Variants in FRMPD4 observed in about 807,000 individuals in gnomAD.
FRMPD4 encodes FERM and PDZ domain containing 4.
Under a neutral mutation model 94.1 loss-of-function variants are expected in FRMPD4, and 22 were observed. The ratio of observed to expected loss-of-function variants is 0.23; its 90% CI spans 0.17 to 0.33. The LOEUF (loss-of-function observed/expected upper bound fraction) is 0.33. Among genes scored for constraint, FRMPD4 ranks in the 10% least tolerant of loss-of-function variants. The pLI is 1.00. For synonymous variants in FRMPD4, 631 were observed against 548.6 expected, an observed-to-expected ratio of 1.15 and a Z score of -2.10; for missense variants, 1,111 against 1,339.9, an observed-to-expected ratio of 0.83 and a Z score of 2.67.
At chrX:11,959,452 A>G (rs6640848) in intron 3 of FRMPD4, among the ~76,000 whole-genome samples, 7,674 of 112,297 alleles carry the variant, frequency 0.068, 277 homozygotes, top group East Asian at 0.25. Context: ...GAATGGCAGC[A>G]TTAGCACCAT....
chrX:12,391,134 G>A (rs1029225493), intron 1 of FRMPD4, among the ~76,000 whole-genome samples: 9 of 111,870 alleles, frequency 8.0e-5, no homozygotes, highest in African/African-American at 2.9e-4. Flanking sequence ...CTTTTCGTAA[G>A]GAAAATACTC....
intron 1 of FRMPD4, among the ~76,000 whole-genome samples, chrX:12,262,312 A>C (rs946381536): frequency 1.8e-5 from 2 of 111,439 alleles, no homozygotes; most frequent in Non-Finnish European, 3.8e-5. Flanking sequence ...ACAGAGTCTC[A>C]CTATGTTGCC....
chrX:11,994,885 C>G (rs1196270728), intron 3 of FRMPD4, among the ~76,000 whole-genome samples: 2 of 111,530 alleles, frequency 1.8e-5, no homozygotes, highest in Non-Finnish European at 1.9e-5. Flanking sequence ...GATGCTTAGT[C>G]TTTCATTCCA....
intron 2 of FRMPD4, among the ~76,000 whole-genome samples, chrX:12,555,792 C>T (rs2058589448): frequency 8.9e-6 from 1 of 112,171 alleles, no homozygotes; most frequent in Admixed American, 9.4e-5. Flanking sequence ...GAAATTAAGC[C>T]TAGTCTAATG....
chrX:11,971,957 G>A (rs771742425), intron 3 of FRMPD4, among the ~76,000 whole-genome samples: 78 of 112,038 alleles, frequency 7.0e-4, no homozygotes, highest in African/African-American at 2.5e-3. Context: ...TTGGTGAACA[G>A]ATGCCCCTAT....
chrX:12,577,648 T>C (rs1228702320), intron 2 of FRMPD4, among the ~76,000 whole-genome samples: 1 of 111,354 alleles, frequency 9.0e-6, no homozygotes, highest in African/African-American at 3.3e-5. Flanking sequence ...AGGCCATAGC[T>C]GATAAGGAAT....
intron 1 of FRMPD4, among the ~76,000 whole-genome samples, chrX:12,271,902 A>G (rs771465949): frequency 2.7e-5 from 3 of 111,643 alleles, no homozygotes; most frequent in South Asian, 3.8e-4. Context: ...ATTTCTTCCA[A>G]TCTCCCACTG....
chrX:12,245,512 CT>C lies in FRMPD4; in HGVS notation c.41+106521del, dbSNP rs566550884. Among the ~76,000 whole-genome samples the C allele has an allele frequency of 2.8e-3, 189 of 67,523 alleles. 1 individual carries two copies. The highest frequency in any genetic ancestry group is 8.8e-3 in the South Asian group (9 of 1,028). The allele number at this position is 67,523 out of a possible 115,157, so 58.6% of individuals were successfully genotyped here. On this transcript the variant is annotated intron_variant, in intron 1 of 16. Transcript: ENST00000675598. ...AATCTCTTCTCCTCTCTTATGTCCT[CT>C]TTTTTTTTTTTTTTTTTTTTCAAGG...
At chrX:12,282,160 G>A (rs1042581983) in intron 1 of FRMPD4, among the ~76,000 whole-genome samples, 3 of 111,835 alleles carry the variant, frequency 2.7e-5, no homozygotes, top group African/African-American at 9.8e-5. Context: ...TATCTTTACT[G>A]AATTTTTCTC....
Position 12,716,925 on chromosome X carries a change from C to T in FRMPD4, c.2466C>T (p.Asp822=), listed in dbSNP as rs776352527. 6 of 1,210,802 alleles carry T rather than the reference C, an allele frequency of 5.0e-6. No homozygotes were observed. The highest frequency in any genetic ancestry group is 6.7e-6 in the Non-Finnish European group (6 of 894,491). ...PGFRDSSDEE[D]SQSQAASFPE... ...TTAGAGACAGTTCAGATGAAGAGGACTCTCAGAGCCAGGCAGCTTCCTTCC... is the reference window on the plus strand; with the variant it reads ...TTAGAGACAGTTCAGATGAAGAGGATTCTCAGAGCCAGGCAGCTTCCTTCC... Residue 822 remains aspartate (D), a synonymous_variant, in exon 15 of 17, where the codon GAC becomes GAT. Transcript: ENST00000675598.
intron 1 of FRMPD4, among the ~76,000 whole-genome samples, chrX:12,142,943 T>G (rs1742989798): frequency 8.9e-6 from 1 of 112,059 alleles, no homozygotes; most frequent in Non-Finnish European, 1.9e-5. Flanking sequence ...CTGTTCATTC[T>G]CCCCCTTTAC....
At chrX:11,864,935 G>T (rs1015445932) in intron 1 of FRMPD4, among the ~76,000 whole-genome samples, 1 of 111,573 alleles carries the variant, frequency 9.0e-6, no homozygotes, top group African/African-American at 3.3e-5. Flanking sequence ...TTAAATTGAG[G>T]GTGGTAGAGG....
intron 1 of FRMPD4, among the ~76,000 whole-genome samples, chrX:12,379,579 A>G (rs531115590): frequency 7.0e-4 from 78 of 111,135 alleles, no homozygotes; most frequent in African/African-American, 2.4e-3. Context: ...AATTGAATAG[A>G]CACATGATAA....
At chrX:12,252,170 A>G (rs747713504) in intron 1 of FRMPD4, among the ~76,000 whole-genome samples, 1 of 111,758 alleles carries the variant, frequency 8.9e-6, no homozygotes, top group Non-Finnish European at 1.9e-5. Context: ...CAGAAAGGTT[A>G]AACGACTTTG....
At chrX:12,109,891 T>G (rs1313603410) in intron 3 of FRMPD4, among the ~76,000 whole-genome samples, 1 of 111,522 alleles carries the variant, frequency 9.0e-6, no homozygotes, top group African/African-American at 3.3e-5. Flanking sequence ...ATCCCGGAAT[T>G]GACCAATAAC....
intron 3 of FRMPD4, among the ~76,000 whole-genome samples, chrX:11,947,664 A>G (rs1426682389): frequency 1.8e-5 from 2 of 112,271 alleles, no homozygotes; most frequent in Non-Finnish European, 3.8e-5. Context: ...TAGTGGCTGT[A>G]AATAAATGCT....
At chrX:12,450,165 A>C (rs1207379624) in intron 1 of FRMPD4, among the ~76,000 whole-genome samples, 1 of 111,095 alleles carries the variant, frequency 9.0e-6, no homozygotes, top group East Asian at 2.8e-4. Context: ...AAAATTAATA[A>C]AAAGAAATCA....
intron 1 of FRMPD4, among the ~76,000 whole-genome samples, chrX:12,329,374 C>T (rs1329144033): frequency 9.0e-6 from 1 of 110,822 alleles, no homozygotes; most frequent in African/African-American, 3.3e-5. Context: ...CAAAGGGGCT[C>T]TGGTTTGTAT....
chrX:12,247,541 G>A (rs967495932), intron 1 of FRMPD4, among the ~76,000 whole-genome samples: 5 of 111,880 alleles, frequency 4.5e-5, no homozygotes, highest in South Asian at 3.8e-4. Flanking sequence ...ACCAGCATAT[G>A]TGCATTTTAT....
Sources: allele counts gnomAD v4.1 joint callset (sites outside exome capture counted in the v4.1 genomes callset), GRCh38; gene constraint gnomAD v4.1.1; transcripts MANE v1.5; gene names NCBI Gene and HGNC (gene_info 2026-07-23, HGNC 2026-07-21).